CLPTM1: variants seen among roughly 807,000 people sequenced by gnomAD.
CLPTM1 encodes CLPTM1 regulator of GABA type A receptor forward trafficking.
In CLPTM1, 21 loss-of-function variants were observed where a neutral mutation model predicts 77.3. The ratio of observed to expected loss-of-function variants is 0.27; its 90% CI spans 0.19 to 0.39. The LOEUF is 0.39. CLPTM1 is among the 10% of genes least tolerant of loss of function. The probability of loss-of-function intolerance (pLI) is 1.00; values close to 1 mark genes in which losing one functional copy is unlikely to be tolerated. For missense variants in CLPTM1, 642 were observed against 921.2 expected (o/e 0.70, Z 3.92); for synonymous variants, 373 against 381.0 (o/e 0.98, Z 0.24).
rs187880957 is a variant in CLPTM1 at position 44,988,988 on chromosome 19, C to T, written c.1132+815C>T. ...CTAAGCCCCGGAGTTTGAGACCAGC[C>T]TGGGCAACAAAGCGAGATTCGTTTC... On this transcript the variant is annotated intron_variant, in intron 9 of 13. Transcript: ENST00000337392. 5.3e-5 allele frequency among the ~76,000 whole-genome samples: 8 copies of T among 152,314 alleles called. No homozygotes were observed. The East Asian group carries it at 1.3e-3, about 26-fold the overall frequency.
upstream of CLPTM1, chr19:44,954,963 AG>A (rs1970433659): frequency 1.3e-6 from 2 of 1,533,586 alleles, no homozygotes; most frequent in African/African-American, 2.7e-5. Flanking sequence ...CTGACGAAAG[AG>A]GGGCGTGGTT....
At position 44,987,305 on chromosome 19, in the gene CLPTM1, T is replaced by C. The variant is rs1428485802; in HGVS notation, c.920T>C (p.Phe307Ser). 6.2e-7 allele frequency: 1 copy of C among 1,614,234 alleles called. No individual in the cohort carries two copies. The change falls in exon 8 of 14, where the codon TTC becomes TCC. Residue 307 changes from phenylalanine to serine, a missense_variant. This residue lies in a region of CLPTM1 where 521 missense variants were observed against 800.4 expected (regional missense o/e 0.65). Coordinates refer to ENST00000337392, the MANE Select transcript of CLPTM1 (RefSeq NM_001294.4). The part of the protein sequence containing the change: ...SLASLPLRVS[F>S]CPLSLWRWQL... ...GCCAGCCTGCCGCTCCGCGTCTCCT[T>C]CTGCCCACTCTCGCTTTGGCGCTGG...
chr19:44,980,846 A>ATT (rs947770300), intron 5 of CLPTM1, among the ~76,000 whole-genome samples: 3 of 149,924 alleles, frequency 2.0e-5, no homozygotes, highest in Non-Finnish European at 4.4e-5. Flanking sequence ...ATTTATTATT[A>ATT]TTTTTTTTTG....
In CLPTM1 at chr19:44,986,517, C is replaced by T. The variant is rs371368385; in HGVS notation, c.735C>T (p.Asn245=). The change falls in exon 7 of 14, where the codon AAC becomes AAT. Residue 245 remains asparagine (N), a synonymous_variant. Coordinates refer to ENST00000337392, the MANE Select transcript of CLPTM1 (RefSeq NM_001294.4). Reference sequence around the variant, plus strand: ...ATTGGCACCCCAACATCACCATCAACATCGTGGACGACCACACGCCGTGGG... The same window carrying T: ...ATTGGCACCCCAACATCACCATCAATATCGTGGACGACCACACGCCGTGGG... The part of the protein sequence containing the change: ...ISHWHPNITI[N]IVDDHTPWVK... The T allele has an allele frequency of 2.5e-6, 4 of 1,614,054 alleles. No individual in the cohort carries two copies. The African/African-American group carries it at 5.3e-5, about 22-fold the overall frequency.
At chr19:44,974,387 G>T in intron 3 of CLPTM1, 52 bp from the exon 4 acceptor site, 4 of 1,566,220 alleles carry the variant, frequency 2.6e-6, no homozygotes, top group Non-Finnish European at 3.5e-6. Context: ...TAGCCAGCCT[G>T]CAGAGGCTCT....
intron 5 of CLPTM1, among the ~76,000 whole-genome samples, chr19:44,982,590 C>T (rs1970916201): frequency 1.3e-5 from 2 of 152,356 alleles, no homozygotes; most frequent in South Asian, 4.1e-4. Context: ...CCTCTCTCCC[C>T]TGTGCCTCCC....
intron 2 of CLPTM1, among the ~76,000 whole-genome samples, chr19:44,972,046 T>A (rs1030163847): frequency 8.6e-5 from 13 of 151,438 alleles, no homozygotes; most frequent in Admixed American, 1.3e-4. Context: ...AATTTTTGTA[T>A]TTTTAGTAGA....
intron 4 of CLPTM1, among the ~76,000 whole-genome samples, chr19:44,976,762 C>G (rs1374587060): frequency 1.3e-5 from 2 of 152,154 alleles, no homozygotes; most frequent in Non-Finnish European, 1.5e-5. Flanking sequence ...CACCCAGGAG[C>G]CCACAGACTG....
chr19:44,984,122 G>T (rs1970942059), intron 5 of CLPTM1, among the ~76,000 whole-genome samples: 2 of 152,252 alleles, frequency 1.3e-5, no homozygotes, highest in South Asian at 4.1e-4. Context: ...ACTCCTGGCT[G>T]GGGATTCACA....
rs112272018 is a variant in CLPTM1, at chr19:44,993,253, G to C, written c.*356G>C. On this transcript the variant is annotated 3_prime_UTR_variant, in exon 14 of 14. Transcript: ENST00000337392. ...ACGGCCGTTCATCATCTTGTCCCTC[G>C]TCCCCCTACCACACTCCCCCTCCTA... The C allele has an allele frequency of 8.0e-6, 4 of 498,962 alleles. No individual in the cohort carries two copies. The highest frequency in any genetic ancestry group is 7.7e-5 in the African/African-American group (4 of 52,280). The allele number at this position is 498,962 out of a possible 1,614,324, so 30.9% of individuals were successfully genotyped here. A position where few individuals can be genotyped will look rare whatever the true frequency, so the allele number is the denominator to read the frequency against.
At chr19:44,964,881 T>G (rs550651231) in intron 2 of CLPTM1, among the ~76,000 whole-genome samples, 15 of 152,254 alleles carry the variant, frequency 9.9e-5, no homozygotes, top group African/African-American at 3.1e-4. Context: ...CCCTTTTACC[T>G]GTGGGTTCAC....
At chr19:44,958,663 C>T (rs748285646) in intron 1 of CLPTM1, among the ~76,000 whole-genome samples, 6 of 152,210 alleles carry the variant, frequency 3.9e-5, no homozygotes, top group South Asian at 2.1e-4. Context: ...TGAGCCACCA[C>T]GTCCAGCCTT....
At position 44,992,845 on chromosome 19, in the gene CLPTM1, G is replaced by C; in HGVS notation, c.1958G>C (p.Ser653Thr). The C allele has an allele frequency of 6.2e-7, 1 of 1,613,774 alleles. No homozygotes were observed. Among genetic ancestry groups the C allele is most frequent in the Admixed American group, 1.7e-5 (1 of 60,012 alleles). Residue 653 changes from serine to threonine, a missense_variant, in exon 14 of 14, where the codon AGC becomes ACC. This residue lies in a region of CLPTM1 where 521 missense variants were observed against 800.4 expected (regional missense o/e 0.65). Transcript: ENST00000337392. This position sits in a 1 kb window ranked among gnomAD's most constrained non-coding sequence, Gnocchi z 7.7. Reference protein sequence around the residue: ...TKPTQGASSASEPQEAPPKPA... With the variant: ...TKPTQGASSATEPQEAPPKPA... ...CCCACCCAGGGGGCCAGCTCTGCCA[G>C]CGAGCCCCAGGAAGCCCCTCCAAAG...
At chr19:44,965,657 C>CA (rs1970617196) in intron 2 of CLPTM1, among the ~76,000 whole-genome samples, 1 of 149,930 alleles carries the variant, frequency 6.7e-6, no homozygotes, top group Non-Finnish European at 1.5e-5. Context: ...ACTGAAAATA[C>CA]AAAAAAATTA....
chr19:44,990,203 G>C lies in CLPTM1; in HGVS notation c.1133-192G>C, dbSNP rs1387911570. On this transcript the variant is annotated intron_variant, in intron 9 of 13. Transcript: ENST00000337392. The surrounding 1 kb of genome is among the most constrained non-coding windows in gnomAD (Gnocchi z 4.8). ...TGGGAGGGCTCCAGGGGTGCCGCCTGTCTGGTGCTCTGGGGGTCACCCAAT... is the reference window on the plus strand; with the variant it reads ...TGGGAGGGCTCCAGGGGTGCCGCCTCTCTGGTGCTCTGGGGGTCACCCAAT... The C allele has an allele frequency of 5.0e-6, 3 of 605,570 alleles. No individual in the cohort carries two copies. The highest frequency in any genetic ancestry group is 8.7e-6 in the Non-Finnish European group (3 of 344,618). The allele number at this position is 605,570 out of a possible 1,614,324, so 37.5% of individuals were successfully genotyped here.
rs1405762533 is a variant in CLPTM1, at chr19:44,992,594, C to T, written c.1724-17C>T. ...ACGGGCCAGCCCGACCTCACACTGC[C>T]TCCCACCCCTCTCCAGATGTGGTTT... On this transcript the variant is annotated splice_polypyrimidine_tract_variant and intron_variant, in intron 13 of 13. Coordinates refer to ENST00000337392, the MANE Select transcript of CLPTM1 (RefSeq NM_001294.4). This position sits in a 1 kb window ranked among gnomAD's most constrained non-coding sequence, Gnocchi z 7.7. 2.5e-6 allele frequency: 4 copies of T among 1,612,864 alleles called. No homozygotes were observed. The highest frequency in any genetic ancestry group is 1.3e-5 in the African/African-American group (1 of 74,908).
rs745415184 is a variant in CLPTM1, at chr19:44,973,122, G to A, written c.221G>A (p.Arg74His). 1.2e-5 allele frequency: 19 copies of A among 1,613,810 alleles called. No individual in the cohort carries two copies. The highest frequency in any genetic ancestry group is 6.7e-5 in the Admixed American group (4 of 59,986). The change falls in exon 3 of 14, where the codon CGC becomes CAC. Residue 74 changes from arginine (R) to histidine (H), a missense_variant. Physicochemically the swap from Arg to His is conservative, Grantham distance 29. This residue lies in a region of CLPTM1 where 121 missense variants were observed against 120.8 expected (regional missense o/e 1.00). Coordinates refer to ENST00000337392, the MANE Select transcript of CLPTM1 (RefSeq NM_001294.4). The part of the protein sequence containing the change: ...FIIWAISSWF[R>H]RGPAPQDQAG... ...ATCTGGGCCATCAGCAGTTGGTTCC[G>A]CCGAGGGCCGGCCCCTCAGGACCAG...
In CLPTM1 at chr19:44,990,631, A is replaced by C. The variant is rs771463393; in HGVS notation, c.1323+46A>C. On this transcript the variant is annotated intron_variant, in intron 10 of 13. Coordinates refer to ENST00000337392, the MANE Select transcript of CLPTM1 (RefSeq NM_001294.4). This position sits in a 1 kb window ranked among gnomAD's most constrained non-coding sequence, Gnocchi z 4.8. ...TGTCTCGGGAGCTGCAGGGGTTGGG[A>C]GGGGGTAGTGTGGCCCAGCTGGACC... The C allele has an allele frequency of 1.0e-5, 16 of 1,597,744 alleles. No homozygotes were observed. Among genetic ancestry groups the C allele is most frequent in the Non-Finnish European group, 1.3e-5 (15 of 1,169,268 alleles).
upstream of CLPTM1, chr19:44,954,772 G>C (rs930174467): frequency 1.5e-5 from 20 of 1,349,122 alleles, no homozygotes; most frequent in Middle Eastern, 2.8e-4. Context: ...TGTATCATAG[G>C]GTCTCATCGG....
Sources: gnomAD v4.1 joint callset for allele counts (sites outside exome capture counted in the v4.1 genomes callset) on GRCh38, gnomAD v4.1.1 for gene constraint, gnomAD v4.1.1 regional missense constraint, Gnocchi (gnomAD v3.1) non-coding constraint, MANE v1.5 for transcripts, NCBI Gene and HGNC (gene_info 2026-07-23, HGNC 2026-07-21) for gene names.